The following KIF26B variants were observed in gnomAD, a reference collection of about 807,000 sequenced individuals.
The protein encoded by KIF26B is kinesin-like protein KIF26B.
Under a neutral mutation model 151.2 loss-of-function variants are expected in KIF26B, and 63 were observed. The ratio of observed to expected loss-of-function variants is 0.42; its 90% CI spans 0.34 to 0.51. The LOEUF is 0.51. Among genes scored for constraint, KIF26B ranks in the 20% least tolerant of loss-of-function variants. The pLI is 0.07. For missense variants in KIF26B, 2,813 were observed against 2,913.6 expected, an observed-to-expected ratio of 0.97 and a Z score of 0.79; for synonymous variants, 1,357 against 1,262.1, an observed-to-expected ratio of 1.08 and a Z score of -1.59.
intron 2 of KIF26B, among the ~76,000 whole-genome samples, chr1:245,303,571 A>C (rs1671483729): frequency 6.6e-6 from 1 of 152,212 alleles, no homozygotes; most frequent in Admixed American, 6.5e-5. Flanking sequence ...TTATTCGCAC[A>C]ATCTTAGCAG....
intron 10 of KIF26B, among the ~76,000 whole-genome samples, chr1:245,670,245 CAT>C (rs10584392): frequency 0.025 from 3,323 of 134,586 alleles, 35 homozygotes; most frequent in East Asian, 0.047. Flanking sequence ...TGTGTATATC[CAT>C]ATATATATAT....
rs2044867554 is a variant in KIF26B, at chr1:245,708,359, G to A, written c.*5753G>A. The A allele has an allele frequency of 6.6e-6, 1 of 152,240 alleles. No individual in the cohort carries two copies. The highest frequency in any genetic ancestry group is 1.5e-5 in the Non-Finnish European group (1 of 68,068). 9.4% of individuals were successfully genotyped at this position (152,240 alleles called of 1,614,324 possible). ...TCATTGACTGGCCCGAGTTCACAGA[G>A]TGGTTTTATAGCAAAACAGGGACTT... On this transcript the variant is annotated 3_prime_UTR_variant, in exon 15 of 15. Transcript: ENST00000407071.
At chr1:245,302,355 G>T (rs1671440591) in intron 2 of KIF26B, among the ~76,000 whole-genome samples, 1 of 152,234 alleles carries the variant, frequency 6.6e-6, no homozygotes, top group Non-Finnish European at 1.5e-5. Flanking sequence ...ATAATGTGGT[G>T]AAGATACCGT....
chr1:245,302,988 C>CAAAAAAAAAAAAAAA (rs74163037), intron 2 of KIF26B, among the ~76,000 whole-genome samples: 43 of 35,810 alleles, frequency 1.2e-3, no homozygotes, highest in Non-Finnish European at 1.6e-3. Flanking sequence ...GACTCTGTCT[C>CAAAAAAAAAAAAAAA]AAAAAAAAAA....
rs559436243 is a variant in KIF26B at position 245,702,067 on chromosome 1, G to A, written c.6179-391G>A. Among the ~76,000 whole-genome samples, 1 of 152,238 alleles carries A rather than the reference G, an allele frequency of 6.6e-6. No homozygotes were observed. The highest frequency in any genetic ancestry group is 2.4e-5 in the African/African-American group (1 of 41,540). On this transcript the variant is annotated intron_variant, in intron 14 of 14. Transcript: ENST00000407071. The surrounding 1 kb of genome is among the most constrained non-coding windows in gnomAD (Gnocchi z 4.1). ...GCAGAGGTATAAATGTCACTCAACTGAGACCCCCAAAAGGGAGGGACTCTC... is the reference window on the plus strand; with the variant it reads ...GCAGAGGTATAAATGTCACTCAACTAAGACCCCCAAAAGGGAGGGACTCTC...
intron 2 of KIF26B, among the ~76,000 whole-genome samples, chr1:245,362,585 G>T (rs1447249892): frequency 2.0e-5 from 3 of 151,904 alleles, no homozygotes; most frequent in African/African-American, 7.2e-5. Context: ...CCCCGAGCTG[G>T]CATGTTGGGA....
intron 2 of KIF26B, among the ~76,000 whole-genome samples, chr1:245,366,552 A>AT (rs925426236): frequency 7.8e-4 from 118 of 152,110 alleles, no homozygotes; most frequent in African/African-American, 2.6e-3. Flanking sequence ...GAAAAAAAAA[A>AT]ATATTCTTGA....
At position 245,495,107 on chromosome 1, in the gene KIF26B, T is replaced by C. The variant is rs1660487035; in HGVS notation, c.1167-45660T>C. ...GGAACTTAAAAAATGAAATAATGGA[T>C]ATTAAGAACACAACAAGTGGATCTA... On this transcript the variant is annotated intron_variant, in intron 4 of 14. Coordinates refer to ENST00000407071, the MANE Select transcript of KIF26B (RefSeq NM_018012.4). The surrounding 1 kb of genome is among the most constrained non-coding windows in gnomAD (Gnocchi z 4.2). Among the ~76,000 whole-genome samples the C allele has an allele frequency of 6.6e-6, 1 of 152,110 alleles. No individual in the cohort carries two copies. Among genetic ancestry groups the C allele is most frequent in the Non-Finnish European group, 1.5e-5 (1 of 68,028 alleles).
rs1052449028 is a variant in KIF26B at position 245,556,636 on chromosome 1, G to A, written c.1350+15686G>A. 2.6e-5 allele frequency among the ~76,000 whole-genome samples: 4 copies of A among 152,186 alleles called. No individual in the cohort carries two copies. In the East Asian group the frequency reaches 5.8e-4, roughly 22 times the overall value. The stretch of plus-strand genomic sequence containing the variant: ...AGGCTGGTCTCAAACTCCTGAGTTC[G>A]GATGATTTGCCGGCCTTGGCCTCCC... On this transcript the variant is annotated intron_variant, in intron 5 of 14. Transcript: ENST00000407071.
At chr1:245,286,246 C>A (rs932477748) in intron 2 of KIF26B, among the ~76,000 whole-genome samples, 1 of 151,814 alleles carries the variant, frequency 6.6e-6, no homozygotes, top group African/African-American at 2.4e-5. Context: ...AAACAAAACT[C>A]AAACTCAGGT....
chr1:245,288,841 T>A (rs1047878173), intron 2 of KIF26B, among the ~76,000 whole-genome samples: 1 of 152,206 alleles, frequency 6.6e-6, no homozygotes, highest in Non-Finnish European at 1.5e-5. Context: ...TTCATGGCAA[T>A]TGAATACCCT....
intron 4 of KIF26B, among the ~76,000 whole-genome samples, chr1:245,504,878 C>T (rs960719261): frequency 6.6e-6 from 1 of 152,122 alleles, no homozygotes; most frequent in African/African-American, 2.4e-5. Context: ...TGAATAAATC[C>T]CTAATTTCCT....
chr1:245,678,834 G>A, intron 10 of KIF26B, among the ~76,000 whole-genome samples: 2 of 151,506 alleles, frequency 1.3e-5, no homozygotes, highest in Non-Finnish European at 2.9e-5. Context: ...CTGCACTCCA[G>A]CCCGGGTGAC....
intron 3 of KIF26B, among the ~76,000 whole-genome samples, chr1:245,391,473 C>A (rs1673697209): frequency 1.3e-5 from 2 of 152,000 alleles, no homozygotes; most frequent in African/African-American, 2.4e-5. Context: ...AGCCACATAA[C>A]CAAAATAATA....
At chr1:245,342,685 G>T (rs1672358819) in intron 2 of KIF26B, among the ~76,000 whole-genome samples, 1 of 152,170 alleles carries the variant, frequency 6.6e-6, no homozygotes, top group South Asian at 2.1e-4. Flanking sequence ...GCAGAACCCT[G>T]GGAGGTGATG....
intron 3 of KIF26B, among the ~76,000 whole-genome samples, chr1:245,373,237 A>G (rs1673168559): frequency 2.0e-5 from 3 of 152,228 alleles, no homozygotes; most frequent in Admixed American, 2.0e-4. Context: ...ATGCACTACA[A>G]TTACTTTCCA....
rs4658757 is a variant in KIF26B at position 245,367,558 on chromosome 1, A to G, written c.999+191A>G. Among the ~76,000 whole-genome samples, 1 of 152,184 alleles carries G rather than the reference A, an allele frequency of 6.6e-6. No homozygotes were observed. Among genetic ancestry groups the G allele is most frequent in the Non-Finnish European group, 1.5e-5 (1 of 68,032 alleles). On this transcript the variant is annotated intron_variant, in intron 3 of 14. Coordinates refer to ENST00000407071, the MANE Select transcript of KIF26B (RefSeq NM_018012.4). The surrounding 1 kb of genome is among the most constrained non-coding windows in gnomAD (Gnocchi z 4.2). Reference sequence around the variant, plus strand: ...GCCTGCTTTGAGAGGGTGTTGCTACATCTTCCAAACTTTCCACACCTGCCC... The same window carrying G: ...GCCTGCTTTGAGAGGGTGTTGCTACGTCTTCCAAACTTTCCACACCTGCCC...
In KIF26B at chr1:245,516,952, T is replaced by C. The variant is rs1262439732; in HGVS notation, c.1167-23815T>C. Among the ~76,000 whole-genome samples the C allele has an allele frequency of 6.6e-6, 1 of 152,216 alleles. No homozygotes were observed. Among genetic ancestry groups the C allele is most frequent in the Admixed American group, 6.5e-5 (1 of 15,288 alleles). ...CTCCCCACAGCTCCACGGCTGCTGC[T>C]TTCACCCCCACCTGACCATGGTCGC... On this transcript the variant is annotated intron_variant, in intron 4 of 14. Coordinates refer to ENST00000407071, the MANE Select transcript of KIF26B (RefSeq NM_018012.4). The surrounding 1 kb of genome is among the most constrained non-coding windows in gnomAD (Gnocchi z 4.2).
At chr1:245,445,244 C>A (rs1012264644) in intron 4 of KIF26B, among the ~76,000 whole-genome samples, 21 of 152,212 alleles carry the variant, frequency 1.4e-4, no homozygotes, top group Non-Finnish European at 2.5e-4. Context: ...CGCAGCCAGG[C>A]TGGTCTAGAA....
Sources: gnomAD v4.1 joint callset for allele counts (sites outside exome capture counted in the v4.1 genomes callset) on GRCh38, gnomAD v4.1.1 for gene constraint, Gnocchi (gnomAD v3.1) non-coding constraint, MANE v1.5 for transcripts, NCBI Gene and HGNC (gene_info 2026-07-23, HGNC 2026-07-21) for gene names.